ZNF385D: variants seen among roughly 807,000 people sequenced by gnomAD.
ZNF385D encodes zinc finger protein 385D.
Under a neutral mutation model 35.8 loss-of-function variants are expected in ZNF385D, and 15 were observed. That is an observed-to-expected ratio of 0.42 (90% CI 0.28 to 0.64). The LOEUF (loss-of-function observed/expected upper bound fraction) is 0.64, where lower values mean the gene tolerates loss of function less well. ZNF385D is among the 30% of genes least tolerant of loss of function. The pLI is 0.23. For missense variants in ZNF385D, 474 were observed against 494.6 expected, an observed-to-expected ratio of 0.96 and a Z score of 0.39; for synonymous variants, 212 against 186.8, an observed-to-expected ratio of 1.13 and a Z score of -1.10.
Position 21,691,010 on chromosome 3 carries a change from G to A in ZNF385D, c.23-25982C>T, listed in dbSNP as rs542933187. Among the ~76,000 whole-genome samples, 323 of 152,052 alleles carry A rather than the reference G, an allele frequency of 2.1e-3. 1 individual carries two copies. Among genetic ancestry groups the A allele is most frequent in the Non-Finnish European group, 3.6e-3 (248 of 67,966 alleles). On this transcript the variant is annotated intron_variant, in intron 1 of 7. Coordinates refer to ENST00000281523, the MANE Select transcript of ZNF385D (RefSeq NM_024697.3). ...CCTTTTTCCCTCATTAAAATCTGTG[G>A]TCCCTGAATGTTGTCCAGTCTCTTC...
intron 3 of ZNF385D, among the ~76,000 whole-genome samples, chr3:22,039,819 T>C (rs1698556264): frequency 1.3e-5 from 2 of 152,122 alleles, no homozygotes; most frequent in Non-Finnish European, 2.9e-5. Context: ...TTCTTCTCTT[T>C]TCTTCTTCAG....
intron 3 of ZNF385D, among the ~76,000 whole-genome samples, chr3:22,036,639 C>G (rs529557985): frequency 1.7e-4 from 26 of 149,336 alleles, no homozygotes; most frequent in African/African-American, 6.1e-4. Context: ...CAAAAACAAG[C>G]AAAGAGCACC....
intron 2 of ZNF385D, among the ~76,000 whole-genome samples, chr3:21,571,377 T>G (rs1021744206): frequency 3.3e-5 from 5 of 152,204 alleles, no homozygotes; most frequent in African/African-American, 1.2e-4. Context: ...TTGCTTTCCA[T>G]GTTAATCTAT....
chr3:21,636,577 T>C (rs1334495787), intron 2 of ZNF385D, among the ~76,000 whole-genome samples: 1 of 151,402 alleles, frequency 6.6e-6, no homozygotes, highest in Non-Finnish European at 1.5e-5. Flanking sequence ...AGATGTAGCC[T>C]GGGAGGTTAA....
At position 22,203,541 on chromosome 3, in the gene ZNF385D, A is replaced by C. The variant is rs74672406; in HGVS notation, c.107-34506T>G. Among the ~76,000 whole-genome samples, 1,309 of 152,202 alleles carry C rather than the reference A, an allele frequency of 8.6e-3. 32 individuals are homozygous for C. Among genetic ancestry groups the C allele is most frequent in the African/African-American group, 0.03 (1,250 of 41,566 alleles). Reference sequence around the variant, plus strand: ...GCTCAGCCACAAGGATAGAGTATCGAGGAGGCTCTTGGGATCTGCAGTTCT... The same window carrying C: ...GCTCAGCCACAAGGATAGAGTATCGCGGAGGCTCTTGGGATCTGCAGTTCT... On this transcript the variant is annotated intron_variant, in intron 2 of 5. Coordinates refer to the ZNF385D transcript ENST00000494108.
At chr3:21,986,174 C>G (rs1694793899) in intron 3 of ZNF385D, among the ~76,000 whole-genome samples, 1 of 59,404 alleles carries the variant, frequency 1.7e-5, no homozygotes, top group Non-Finnish European at 2.8e-5. Flanking sequence ...TCCTTCAGTT[C>G]TGCTCTGATT....
intron 3 of ZNF385D, among the ~76,000 whole-genome samples, chr3:22,066,357 G>A (rs1298120659): frequency 2.0e-5 from 3 of 150,202 alleles, no homozygotes; most frequent in Non-Finnish European, 4.4e-5. Context: ...GGGCGAGATG[G>A]TTCCCTGTGT....
At chr3:22,324,636 G>A (rs1259149086) in intron 2 of ZNF385D, among the ~76,000 whole-genome samples, 7 of 152,182 alleles carry the variant, frequency 4.6e-5, no homozygotes, top group Admixed American at 4.6e-4. Flanking sequence ...TATATTGGAG[G>A]AAAACCCAAT....
At chr3:22,044,683 A>G (rs995281242) in intron 3 of ZNF385D, among the ~76,000 whole-genome samples, 1 of 152,134 alleles carries the variant, frequency 6.6e-6, no homozygotes, top group African/African-American at 2.4e-5. Context: ...GCTAAGAGCC[A>G]TTTGGTTAAC....
intron 3 of ZNF385D, among the ~76,000 whole-genome samples, chr3:21,977,014 C>G (rs923192453): frequency 6.7e-6 from 1 of 148,968 alleles, no homozygotes; most frequent in Non-Finnish European, 1.5e-5. Context: ...TAATAATAAA[C>G]CACTGCTACA....
rs57333898 is a variant in ZNF385D at position 21,810,998 on chromosome 3, G to GTA, written c.326-145972_326-145971dup. Among the ~76,000 whole-genome samples, 643 of 144,488 alleles carry GTA rather than the reference G, an allele frequency of 4.5e-3. 6 individuals are homozygous for GTA. Among genetic ancestry groups the GTA allele is most frequent in the East Asian group, 0.016 (78 of 4,770 alleles). The allele number at this position is 144,488 out of a possible 152,430, so 94.8% of individuals were successfully genotyped here. A position where few individuals can be genotyped will look rare whatever the true frequency, so the allele number is the denominator to read the frequency against. ...TGTGTGTGTGTGTGTGTGTGTGTGT[G>GTA]TATATATATATACATTTTAAGTAAG... On this transcript the variant is annotated intron_variant, in intron 3 of 5. Transcript: ENST00000494108.
In ZNF385D at chr3:21,539,139, C is replaced by G. The variant is rs1013406144; in HGVS notation, c.276+25435G>C. Among the ~76,000 whole-genome samples, 15 of 151,976 alleles carry G rather than the reference C, an allele frequency of 9.9e-5. No homozygotes were observed. Among genetic ancestry groups the G allele is most frequent in the African/African-American group, 3.1e-4 (13 of 41,392 alleles). On this transcript the variant is annotated intron_variant, in intron 3 of 7. Coordinates refer to ENST00000281523, the MANE Select transcript of ZNF385D (RefSeq NM_024697.3). The surrounding 1 kb of genome is among the most constrained non-coding windows in gnomAD (Gnocchi z 4.0). ...TTTTTAAACCTGCATAATAATAATG[C>G]AACCCTTGACAAACCTGATCAACTC...
intron 2 of ZNF385D, among the ~76,000 whole-genome samples, chr3:21,620,218 G>A (rs1057495950): frequency 1.3e-4 from 20 of 152,114 alleles, no homozygotes; most frequent in African/African-American, 4.8e-4. Context: ...TTAAATCAAG[G>A]CCAGAAAGGA....
chr3:22,327,665 A>G (rs1368099978), intron 2 of ZNF385D, among the ~76,000 whole-genome samples: 1 of 152,140 alleles, frequency 6.6e-6, no homozygotes, highest in Non-Finnish European at 1.5e-5. Flanking sequence ...ATGTTTTCTT[A>G]TTTTGCACTC....
chr3:22,363,441 G>A lies in ZNF385D; in HGVS notation c.106+9009C>T, dbSNP rs542906773. Among the ~76,000 whole-genome samples, 19 of 152,268 alleles carry A rather than the reference G, an allele frequency of 1.2e-4. No homozygotes were observed. In the East Asian group the frequency reaches 3.5e-3, roughly 28 times the overall value. ...AATTAAAATGTTTGAAGCTGGACAA[G>A]GAGGCATCCAATAACTAAACTTCTT... is the stretch of plus-strand genomic sequence containing the variant. On this transcript the variant is annotated intron_variant, in intron 2 of 5. Coordinates refer to the ZNF385D transcript ENST00000494108.
At chr3:22,146,901 G>T (rs368124320) in intron 3 of ZNF385D, among the ~76,000 whole-genome samples, 4 of 152,106 alleles carry the variant, frequency 2.6e-5, no homozygotes, top group African/African-American at 9.7e-5. Context: ...GAAGTGTATT[G>T]TTTTGTCTCG....
chr3:22,205,476 A>G (rs942355077), intron 2 of ZNF385D, among the ~76,000 whole-genome samples: 7 of 152,050 alleles, frequency 4.6e-5, no homozygotes, highest in African/African-American at 1.7e-4. Flanking sequence ...AGAAAAAGAC[A>G]TAATATAGCA....
At chr3:22,303,918 T>C (rs1703059874) in intron 2 of ZNF385D, among the ~76,000 whole-genome samples, 1 of 152,034 alleles carries the variant, frequency 6.6e-6, no homozygotes, top group Admixed American at 6.6e-5. Flanking sequence ...GTTGGGATTA[T>C]AGGCATGTGC....
intron 3 of ZNF385D, among the ~76,000 whole-genome samples, chr3:21,986,591 T>G (rs1385479123): frequency 6.7e-6 from 1 of 149,134 alleles, no homozygotes; most frequent in African/African-American, 2.6e-5. Flanking sequence ...CTTCCAACCA[T>G]GTGGTCAATT....
Sources: gnomAD v4.1 joint callset for allele counts (sites outside exome capture counted in the v4.1 genomes callset) on GRCh38, gnomAD v4.1.1 for gene constraint, Gnocchi (gnomAD v3.1) non-coding constraint, MANE v1.5 for transcripts, NCBI Gene and HGNC (gene_info 2026-07-23, HGNC 2026-07-21) for gene names.